Variants in SATB2 observed in about 807,000 individuals in gnomAD.
SATB2 encodes the protein SATB homeobox 2, also known as DNA-binding protein SATB2.
Under a neutral mutation model 73.4 loss-of-function variants are expected in SATB2, and 1 was observed. That is an observed-to-expected ratio of 0.01 (90% CI 0.00 to 0.06). The LOEUF (loss-of-function observed/expected upper bound fraction) is 0.06, where lower values mean the gene tolerates loss of function less well. SATB2 is among the 10% of genes least tolerant of loss of function. The pLI is 1.00. For missense variants in SATB2, 459 were observed against 945.8 expected, an observed-to-expected ratio of 0.49 and a Z score of 6.75; for synonymous variants, 397 against 367.0, an observed-to-expected ratio of 1.08 and a Z score of -0.93.
intron 8 of SATB2, among the ~76,000 whole-genome samples, chr2:199,327,840 G>A (rs1285402471): frequency 3.3e-5 from 5 of 152,112 alleles, no homozygotes; most frequent in Non-Finnish European, 7.4e-5. Context: ...AAGGATCATT[G>A]AGTGACATCT....
chr2:199,271,437 A>T lies in SATB2; in HGVS notation c.*774T>A, dbSNP rs181138294. On this transcript the variant is annotated 3_prime_UTR_variant, in exon 11 of 11. Coordinates refer to ENST00000417098, the MANE Select transcript of SATB2 (RefSeq NM_001172509.2). The stretch of plus-strand genomic sequence containing the variant: ...TGTCTTTAAGATTTATTTGACTTGT[A>T]TCATTTTAATGTGCCCTGATTGTTT... The T allele has an allele frequency of 4.7e-5, 7 of 150,502 alleles. No homozygotes were observed. Among genetic ancestry groups the T allele is most frequent in the African/African-American group, 9.8e-5 (4 of 41,006 alleles). The allele number at this position is 150,502 out of a possible 1,614,324, so 9.3% of individuals were successfully genotyped here.
intron 7 of SATB2, among the ~76,000 whole-genome samples, chr2:199,342,797 A>G (rs1688544453): frequency 6.6e-6 from 1 of 152,196 alleles, no homozygotes; most frequent in South Asian, 2.1e-4. Flanking sequence ...ATAGGGCATC[A>G]TTTTATCAAA....
intron 10 of SATB2, among the ~76,000 whole-genome samples, chr2:199,296,881 T>A (rs555921081): frequency 1.3e-5 from 2 of 152,114 alleles, no homozygotes; most frequent in African/African-American, 4.8e-5. Flanking sequence ...AAATAGAGAG[T>A]AATATTTATT....
intron 10 of SATB2, among the ~76,000 whole-genome samples, chr2:199,299,189 A>G (rs1687209081): frequency 6.6e-6 from 1 of 152,302 alleles, no homozygotes; most frequent in South Asian, 2.1e-4. Flanking sequence ...GGTCAGGGAG[A>G]AATTAGGGTT....
chr2:199,335,655 C>T (rs577536802), intron 7 of SATB2, among the ~76,000 whole-genome samples: 7 of 152,140 alleles, frequency 4.6e-5, no homozygotes, highest in Non-Finnish European at 8.8e-5. Context: ...GAGTGGGAGT[C>T]CTATCTTTGC....
At chr2:199,318,069 G>C (rs1463039616) in intron 9 of SATB2, among the ~76,000 whole-genome samples, 2 of 151,970 alleles carry the variant, frequency 1.3e-5, no homozygotes. Flanking sequence ...CTACCTGGCA[G>C]CTACTCAGTC....
At position 199,333,984 on chromosome 2, in the gene SATB2, T is replaced by C. The variant is rs1192939030; in HGVS notation, c.1174-5074A>G. On this transcript the variant is annotated intron_variant, in intron 7 of 10. Transcript: ENST00000417098. ...TTTCTGGAAATTTTGTTTCTGTTTG[T>C]GGCAGTTGAAATGAGAGGTAGAACT... Among the ~76,000 whole-genome samples, 6 of 152,284 alleles carry C rather than the reference T, an allele frequency of 3.9e-5. No homozygotes were observed. The East Asian group carries it at 1.2e-3, about 29-fold the overall frequency.
At chr2:199,311,831 G>A (rs1687603952) in intron 9 of SATB2, among the ~76,000 whole-genome samples, 1 of 151,986 alleles carries the variant, frequency 6.6e-6, no homozygotes, top group African/African-American at 2.4e-5. Context: ...AGCCCATTTG[G>A]GATGCTTATC....
rs550351954 is a variant in SATB2 at position 199,409,066 on chromosome 2, A to G, written c.346+24272T>C. On this transcript the variant is annotated intron_variant, in intron 3 of 10. Transcript: ENST00000417098. ...TTATTTTAATGGTGATCTATACTTCAGTAGACGGGAGGGTATGATGATATA... is the reference window on the plus strand; with the variant it reads ...TTATTTTAATGGTGATCTATACTTCGGTAGACGGGAGGGTATGATGATATA... Among the ~76,000 whole-genome samples, 12 of 152,286 alleles carry G rather than the reference A, an allele frequency of 7.9e-5. No homozygotes were observed. The East Asian group carries it at 2.3e-3, about 29-fold the overall frequency.
chr2:199,400,619 T>C (rs934119851), intron 3 of SATB2, among the ~76,000 whole-genome samples: 2 of 152,222 alleles, frequency 1.3e-5, no homozygotes, highest in African/African-American at 4.8e-5. Context: ...GATTATAATA[T>C]CATGAATGAA....
At chr2:199,407,438 A>G (rs1690667163) in intron 3 of SATB2, among the ~76,000 whole-genome samples, 1 of 152,170 alleles carries the variant, frequency 6.6e-6, no homozygotes, top group Non-Finnish European at 1.5e-5. Flanking sequence ...ACTATTGTTG[A>G]AAATGAAGCA....
rs535490870 is a variant in SATB2, at chr2:199,344,418, G to A, written c.1173+4283C>T. Among the ~76,000 whole-genome samples, 12 of 152,296 alleles carry A rather than the reference G, an allele frequency of 7.9e-5. No individual in the cohort carries two copies. The East Asian group carries it at 2.3e-3, about 29-fold the overall frequency. On this transcript the variant is annotated intron_variant, in intron 7 of 10. Transcript: ENST00000417098. ...CTATGGACACACAAATATTGCCCGA[G>A]TACTTTGAATCACGAGAGAAAGTGG...
At chr2:199,275,502 T>A (rs1692286788) in intron 10 of SATB2, among the ~76,000 whole-genome samples, 1 of 152,084 alleles carries the variant, frequency 6.6e-6, no homozygotes, top group Non-Finnish European at 1.5e-5. Flanking sequence ...AAGATTGAAC[T>A]GGAAACATGT....
intron 10 of SATB2, among the ~76,000 whole-genome samples, chr2:199,305,451 C>G (rs1465891861): frequency 6.6e-6 from 1 of 152,102 alleles, no homozygotes. Flanking sequence ...CCCCATGATA[C>G]AAGTTTACCT....
At position 199,397,214 on chromosome 2, in the gene SATB2, G is replaced by C. The variant is rs113331088; in HGVS notation, c.347-15394C>G. Among the ~76,000 whole-genome samples, 637 of 152,260 alleles carry C rather than the reference G, an allele frequency of 4.2e-3. 2 individuals carry two copies. Among genetic ancestry groups the C allele is most frequent in the African/African-American group, 0.014 (591 of 41,540 alleles). The stretch of plus-strand genomic sequence containing the variant: ...GAAATATACCTTGAATTTCGGAAAA[G>C]GCTGCAGCTAGCAGAGACTCCAAAT... On this transcript the variant is annotated intron_variant, in intron 3 of 10. Transcript: ENST00000417098.
chr2:199,408,838 C>T (rs935910572), intron 3 of SATB2, among the ~76,000 whole-genome samples: 1 of 152,120 alleles, frequency 6.6e-6, no homozygotes, highest in East Asian at 1.9e-4. Flanking sequence ...TACAGCCTCA[C>T]CAAAAAGTGA....
intron 9 of SATB2, 99 bp from the exon 10 acceptor site, chr2:199,309,056 G>T: frequency 9.8e-7 from 1 of 1,021,460 alleles, no homozygotes; most frequent in Non-Finnish European, 1.5e-6. Context: ...ATCTTTTTCT[G>T]TCAAAATTGT....
intron 2 of SATB2, among the ~76,000 whole-genome samples, chr2:199,442,838 T>C (rs1010983420): frequency 2.6e-5 from 4 of 152,148 alleles, no homozygotes; most frequent in Non-Finnish European, 5.9e-5. Flanking sequence ...GGGTATGGCA[T>C]ATTGTTGAAG....
chr2:199,399,870 A>G (rs1026920349), intron 3 of SATB2, among the ~76,000 whole-genome samples: 5 of 152,166 alleles, frequency 3.3e-5, no homozygotes, highest in Admixed American at 6.5e-5. Context: ...TGGGGATTAT[A>G]TCTCCATGTG....
Sources: gnomAD v4.1 joint callset for allele counts (sites outside exome capture counted in the v4.1 genomes callset) on GRCh38, gnomAD v4.1.1 for gene constraint, MANE v1.5 for transcripts, NCBI Gene and HGNC (gene_info 2026-07-23, HGNC 2026-07-21) for gene names.